LRRC4C: variants seen among roughly 807,000 people sequenced by gnomAD.
LRRC4C encodes the protein leucine-rich repeat-containing protein 4C.
A neutral mutation model predicts 33.6 loss-of-function variants in LRRC4C; 5 were observed. That is an observed-to-expected ratio of 0.15 (90% CI 0.08 to 0.31). The LOEUF is 0.31. Ranked by LOEUF, LRRC4C falls within the 10% of genes least tolerant of loss-of-function variation. LRRC4C has a pLI of 1.00. For synonymous variants in LRRC4C, 329 were observed against 302.0 expected, an observed-to-expected ratio of 1.09 and a Z score of -0.93; for missense variants, 560 against 796.7, an observed-to-expected ratio of 0.70 and a Z score of 3.58.
At chr11:41,278,329 C>G (rs981947583) in intron 1 of LRRC4C, among the ~76,000 whole-genome samples, 2 of 152,118 alleles carry the variant, frequency 1.3e-5, no homozygotes, top group Non-Finnish European at 2.9e-5. Context: ...GTGAAACAAA[C>G]TATAACCAAC....
chr11:40,622,533 G>C (rs1962554873), intron 3 of LRRC4C, among the ~76,000 whole-genome samples: 1 of 151,864 alleles, frequency 6.6e-6, no homozygotes, highest in East Asian at 1.9e-4. Context: ...CCGCATTCTA[G>C]CTTTGTGTTT....
intron 4 of LRRC4C, among the ~76,000 whole-genome samples, chr11:40,287,835 T>A (rs1943946506): frequency 6.6e-6 from 1 of 152,226 alleles, no homozygotes; most frequent in Non-Finnish European, 1.5e-5. Flanking sequence ...CTTCTATATA[T>A]GTTTTAAAAT....
chr11:40,994,378 A>T (rs936243785), intron 1 of LRRC4C, among the ~76,000 whole-genome samples: 1 of 152,154 alleles, frequency 6.6e-6, no homozygotes, highest in African/African-American at 2.4e-5. Flanking sequence ...ACCTAGAAGC[A>T]TAAACACTGG....
At chr11:40,841,772 G>A (rs771458792) in intron 2 of LRRC4C, among the ~76,000 whole-genome samples, 5 of 152,164 alleles carry the variant, frequency 3.3e-5, no homozygotes, top group African/African-American at 9.7e-5. Context: ...CTGAGAAAAC[G>A]CATTTTTCTT....
At chr11:40,197,611 T>G (rs1446984236) in intron 5 of LRRC4C, among the ~76,000 whole-genome samples, 2 of 152,196 alleles carry the variant, frequency 1.3e-5, no homozygotes, top group African/African-American at 4.8e-5. Context: ...ATATTTTCCC[T>G]TTCTTTCCAT....
intron 1 of LRRC4C, among the ~76,000 whole-genome samples, chr11:40,959,209 A>G (rs1446228471): frequency 6.6e-6 from 1 of 151,718 alleles, no homozygotes; most frequent in African/African-American, 2.4e-5. Flanking sequence ...AGCTCATTGC[A>G]GTTAAGTATA....
chr11:41,059,210 G>GTTGT (rs71060994), intron 1 of LRRC4C, among the ~76,000 whole-genome samples: 5,636 of 125,232 alleles, frequency 0.045, 221 homozygotes, highest in Non-Finnish European at 0.063. Flanking sequence ...TAAAATAAAA[G>GTTGT]TTTTTTTTTT....
At chr11:40,294,409 A>C (rs1305971754) in intron 4 of LRRC4C, among the ~76,000 whole-genome samples, 2 of 152,248 alleles carry the variant, frequency 1.3e-5, no homozygotes, top group East Asian at 3.9e-4. Context: ...AAAGAGGAAG[A>C]CATTAAAATC....
intron 1 of LRRC4C, among the ~76,000 whole-genome samples, chr11:40,936,698 T>C (rs966872898): frequency 6.6e-6 from 1 of 152,150 alleles, no homozygotes; most frequent in Non-Finnish European, 1.5e-5. Context: ...TAACATCATG[T>C]ATTATTTTAT....
chr11:40,671,285 T>C (rs1944092624), intron 2 of LRRC4C, among the ~76,000 whole-genome samples: 1 of 152,202 alleles, frequency 6.6e-6, no homozygotes, highest in South Asian at 2.1e-4. Flanking sequence ...AGAAAATGCA[T>C]TACTGGTCTT....
intron 2 of LRRC4C, among the ~76,000 whole-genome samples, chr11:40,828,366 AT>A (rs1406039080): frequency 2.6e-5 from 4 of 151,762 alleles, no homozygotes; most frequent in Non-Finnish European, 5.9e-5. Flanking sequence ...CCCTCTCCTG[AT>A]TTCTACAAAT....
chr11:40,489,512 G>A (rs992727903), intron 3 of LRRC4C, among the ~76,000 whole-genome samples: 20 of 152,030 alleles, frequency 1.3e-4, no homozygotes. Context: ...CTGCCAGGTT[G>A]TCATTATTTA....
chr11:41,005,406 C>G (rs962619275), intron 1 of LRRC4C, among the ~76,000 whole-genome samples: 15 of 152,082 alleles, frequency 9.9e-5, no homozygotes, highest in African/African-American at 3.6e-4. Flanking sequence ...GAGTTTGAGA[C>G]CAGCCTGAGC....
chr11:40,652,487 A>G (rs923876878), intron 2 of LRRC4C, among the ~76,000 whole-genome samples: 6 of 152,226 alleles, frequency 3.9e-5, no homozygotes, highest in Non-Finnish European at 5.9e-5. Flanking sequence ...ATTTCTATAG[A>G]CAAGAAAAAT....
chr11:41,309,092 G>A (rs887361813), intron 1 of LRRC4C, among the ~76,000 whole-genome samples: 6 of 152,166 alleles, frequency 3.9e-5, no homozygotes, highest in Non-Finnish European at 7.3e-5. Context: ...ATCACACACC[G>A]GGGCTCCAGA....
chr11:41,386,080 G>A (rs749638997), intron 1 of LRRC4C, among the ~76,000 whole-genome samples: 6 of 151,236 alleles, frequency 4.0e-5, no homozygotes, highest in African/African-American at 1.2e-4. Flanking sequence ...CTTTATTTGC[G>A]TGTGTGTATT....
Position 40,295,784 on chromosome 11 carries a change from G to A in LRRC4C, c.-176+23844C>T, listed in dbSNP as rs79050921. Among the ~76,000 whole-genome samples the A allele has an allele frequency of 5.2e-3, 787 of 152,250 alleles. 12 individuals carry two copies. The highest frequency in any genetic ancestry group is 0.018 in the African/African-American group (750 of 41,550). On this transcript the variant is annotated intron_variant, in intron 4 of 6. Coordinates refer to ENST00000528697, the MANE Select transcript of LRRC4C (RefSeq NM_001258419.2). The stretch of plus-strand genomic sequence containing the variant: ...AATTACATGAAAATGTGAATTTCTC[G>A]AGGGTTAATGGCATTGCTTCTATTT...
intron 1 of LRRC4C, among the ~76,000 whole-genome samples, chr11:41,327,599 A>T (rs965245456): frequency 6.6e-6 from 1 of 152,136 alleles, no homozygotes; most frequent in Non-Finnish European, 1.5e-5. Flanking sequence ...TGTGAACACC[A>T]TCAGGAGGAA....
chr11:40,931,016 ACTT>A (rs1042771538), intron 2 of LRRC4C, among the ~76,000 whole-genome samples: 1 of 152,156 alleles, frequency 6.6e-6, no homozygotes, highest in African/African-American at 2.4e-5. Context: ...TTGTAGGAAA[ACTT>A]TAATCTGTGG....
Sources: gnomAD v4.1 joint callset for allele counts (sites outside exome capture counted in the v4.1 genomes callset) on GRCh38, gnomAD v4.1.1 for gene constraint, MANE v1.5 for transcripts, NCBI Gene and HGNC (gene_info 2026-07-23, HGNC 2026-07-21) for gene names.